Variants in FER1L6 observed in about 807,000 individuals in gnomAD.
FER1L6 encodes fer-1 like family member 6.
Under a neutral mutation model 219.2 loss-of-function variants are expected in FER1L6, and 177 were observed. The ratio of observed to expected loss-of-function variants is 0.81; its 90% CI spans 0.71 to 0.91. The LOEUF is 0.91. Among genes scored for constraint, FER1L6 ranks in the 40% least tolerant of loss-of-function variants. The pLI is 0.00. For synonymous variants in FER1L6, 768 were observed against 824.3 expected (o/e 0.93, Z 1.17); for missense variants, 2,153 against 2,259.9 (o/e 0.95, Z 0.96).
Position 124,097,814 on chromosome 8 carries a change from C to G in FER1L6, c.4814C>G (p.Thr1605Ser). The change falls in exon 37 of 41, where the codon ACT (threonine) becomes AGT (serine). Residue 1605 changes from threonine (T) to serine (S), a missense_variant. Coordinates refer to ENST00000522917, the MANE Select transcript of FER1L6 (RefSeq NM_001039112.2). The stretch of plus-strand genomic sequence containing the variant: ...GAATTGAGAGTGACCATCTGGAACA[C>G]TGAAGATGTCATTTTAGAGGATGAG... ...GYELRVTIWN[T>S]EDVILEDENI... 1.2e-6 allele frequency: 2 copies of G among 1,605,252 alleles called. No homozygotes were observed. The highest frequency in any genetic ancestry group is 2.2e-5 in the South Asian group (2 of 90,926).
At chr8:124,015,632 CTGT>C (rs1409941633) in intron 15 of FER1L6, among the ~76,000 whole-genome samples, 2 of 105,080 alleles carry the variant, frequency 1.9e-5, no homozygotes, top group African/African-American at 7.6e-5. Flanking sequence ...CTGCTGTGAG[CTGT>C]TTAGTGCCAC....
At chr8:124,036,959 G>A (rs759002800) in intron 19 of FER1L6, among the ~76,000 whole-genome samples, 4 of 152,208 alleles carry the variant, frequency 2.6e-5, no homozygotes, top group African/African-American at 7.2e-5. Context: ...AAACTAGTGG[G>A]TGACATAGAG....
intron 39 of FER1L6, among the ~76,000 whole-genome samples, chr8:124,108,868 T>A (rs1239760614): frequency 6.6e-6 from 1 of 151,338 alleles, no homozygotes; most frequent in African/African-American, 2.4e-5. Flanking sequence ...ACATAGGGAG[T>A]CCCTGTCTCT....
chr8:123,907,372 A>G (rs974995950), intron 1 of FER1L6, among the ~76,000 whole-genome samples: 4 of 152,078 alleles, frequency 2.6e-5, no homozygotes, highest in Admixed American at 2.6e-4. Context: ...TGCTGCTATC[A>G]CCACCCTCCA....
chr8:124,042,442 T>C (rs1029642066), intron 20 of FER1L6, among the ~76,000 whole-genome samples: 1 of 152,264 alleles, frequency 6.6e-6, no homozygotes, highest in East Asian at 1.9e-4. Flanking sequence ...CTGGATGTTA[T>C]TAGTGTCTTC....
At chr8:124,059,919 C>T (rs2130820941) in intron 22 of FER1L6, among the ~76,000 whole-genome samples, 1 of 152,172 alleles carries the variant, frequency 6.6e-6, no homozygotes, top group South Asian at 2.1e-4. Flanking sequence ...TTCTCTCTCC[C>T]CTCTATACTG....
chr8:123,961,791 T>A (rs1375082448), intron 2 of FER1L6, among the ~76,000 whole-genome samples: 2 of 152,080 alleles, frequency 1.3e-5, no homozygotes, highest in Admixed American at 1.3e-4. Flanking sequence ...TGTAAAAAGA[T>A]CTTTTTAAGA....
At chr8:124,000,068 G>A (rs1817333834) in intron 12 of FER1L6, among the ~76,000 whole-genome samples, 2 of 152,188 alleles carry the variant, frequency 1.3e-5, no homozygotes, top group African/African-American at 4.8e-5. Context: ...TGGATGATTT[G>A]CTTCTGGCTA....
In FER1L6 at chr8:123,966,142, A is replaced by G. The variant is rs1361806445; in HGVS notation, c.253-17A>G. On this transcript the variant is annotated splice_polypyrimidine_tract_variant and intron_variant, in intron 4 of 40. Transcript: ENST00000522917. ...TGGCGGTGTCCGGAATGGTGTCCAC[A>G]CTGCTTTGTGTTGCAGATTGCCATA... The G allele has an allele frequency of 6.2e-7, 1 of 1,613,926 alleles. No homozygotes were observed. The highest frequency in any genetic ancestry group is 2.2e-5 in the East Asian group (1 of 44,850).
intron 7 of FER1L6, among the ~76,000 whole-genome samples, chr8:123,974,203 G>C (rs921422644): frequency 6.6e-6 from 1 of 152,188 alleles, no homozygotes; most frequent in Admixed American, 6.5e-5. Flanking sequence ...GGCCAGACAG[G>C]GAGCATAGCT....
intron 9 of FER1L6, among the ~76,000 whole-genome samples, 175 bp downstream of exon 9, chr8:123,976,259 T>G (rs1414641114): frequency 6.6e-6 from 1 of 152,136 alleles, no homozygotes; most frequent in Non-Finnish European, 1.5e-5. Context: ...CCCAGCACTT[T>G]GGCAGGCTGA....
At chr8:123,894,171 A>G (rs184101924) in intron 1 of FER1L6, among the ~76,000 whole-genome samples, 127 of 152,320 alleles carry the variant, frequency 8.3e-4, no homozygotes, top group Non-Finnish European at 1.2e-3. Flanking sequence ...CTCAAAATGT[A>G]TCAAAGAACT....
chr8:123,975,245 G>A lies in FER1L6; in HGVS notation c.622G>A (p.Gly208Arg), dbSNP rs1422354803. ...GYLKCDISVM[G>R]KGDVLKTSPK... ...CCTGAAATGTGACATCAGTGTCATG[G>A]GAAAAGGTGATGTCTTGAAGACCAG... The change falls in exon 8 of 41, where the codon GGA (glycine) becomes AGA (arginine). Residue 208 changes from glycine (G) to arginine (R), a missense_variant. By Grantham distance (125) the Gly-to-Arg change is moderately radical (BLOSUM62 -2). Coordinates refer to ENST00000522917, the MANE Select transcript of FER1L6 (RefSeq NM_001039112.2). 6.2e-7 allele frequency: 1 copy of A among 1,613,368 alleles called. No homozygotes were observed. The highest frequency in any genetic ancestry group is 1.7e-5 in the Admixed American group (1 of 59,996).
intron 21 of FER1L6, chr8:124,046,392 A>G (rs1819737499): frequency 6.5e-6 from 1 of 153,446 alleles, no homozygotes; most frequent in African/African-American, 2.4e-5. Flanking sequence ...ACAACACTTT[A>G]ATCTCTATCC....
At chr8:123,889,386 T>C (rs1393290459) in intron 1 of FER1L6, among the ~76,000 whole-genome samples, 2 of 152,170 alleles carry the variant, frequency 1.3e-5, no homozygotes, top group Non-Finnish European at 2.9e-5. Context: ...TTATTGTTGC[T>C]GCTCATTAGA....
chr8:123,877,007 A>G (rs995822692), intron 1 of FER1L6, among the ~76,000 whole-genome samples: 1 of 152,140 alleles, frequency 6.6e-6, no homozygotes, highest in African/African-American at 2.4e-5. Context: ...TGCATCCTGC[A>G]CTCAGAGCTT....
In FER1L6 at chr8:123,949,579, T is replaced by C. The variant is rs563310612; in HGVS notation, c.-7-6413T>C. The stretch of plus-strand genomic sequence containing the variant: ...TACCTCAATTGCTGGTGAAGCTCAA[T>C]TGGAGGAAGCTGTTTGGACTAGAGT... On this transcript the variant is annotated intron_variant, in intron 1 of 40. Transcript: ENST00000522917. 1.4e-3 allele frequency among the ~76,000 whole-genome samples: 219 copies of C among 152,286 alleles called. 1 individual carries two copies. Among genetic ancestry groups the C allele is most frequent in the African/African-American group, 4.8e-3 (201 of 41,554 alleles).
At chr8:124,115,716 T>G (rs1823219028) in intron 39 of FER1L6, among the ~76,000 whole-genome samples, 1 of 152,158 alleles carries the variant, frequency 6.6e-6, no homozygotes, top group Non-Finnish European at 1.5e-5. Context: ...TATGTGTTAT[T>G]TCATTTATTT....
chr8:123,901,144 G>A (rs1229815342), intron 1 of FER1L6, among the ~76,000 whole-genome samples: 1 of 152,116 alleles, frequency 6.6e-6, no homozygotes, highest in Non-Finnish European at 1.5e-5. Flanking sequence ...GACTTTTTTT[G>A]TTGTTGGTAA....
Sources: allele counts gnomAD v4.1 joint callset (sites outside exome capture counted in the v4.1 genomes callset), GRCh38; gene constraint gnomAD v4.1.1; transcripts MANE v1.5; gene names NCBI Gene and HGNC (gene_info 2026-07-23, HGNC 2026-07-21).